ZC3H3: variants seen among roughly 807,000 people sequenced by gnomAD.
The protein encoded by ZC3H3 is zinc finger CCCH-type containing 3, also known as zinc finger CCCH domain-containing protein 3.
Under a neutral mutation model 77.3 loss-of-function variants are expected in ZC3H3, and 36 were observed. The observed-to-expected ratio is 0.47, with a 90% CI of 0.36 to 0.61. ZC3H3 has a LOEUF of 0.61. ZC3H3 is among the 20% of genes least tolerant of loss of function. The probability of loss-of-function intolerance (pLI) is 0.00; values close to 1 mark genes in which losing one functional copy is unlikely to be tolerated. For synonymous variants in ZC3H3, 626 were observed against 555.2 expected (o/e 1.13, Z -1.79); for missense variants, 1,331 against 1,312.2 (o/e 1.01, Z -0.22).
intron 4 of ZC3H3, among the ~76,000 whole-genome samples, chr8:143,479,408 G>T (rs1374024184): frequency 6.6e-6 from 1 of 152,196 alleles, no homozygotes; most frequent in Non-Finnish European, 1.5e-5. Context: ...CAAGGACCCG[G>T]AGCGCGCGTC....
intron 2 of ZC3H3, among the ~76,000 whole-genome samples, chr8:143,536,741 C>A (rs962190316): frequency 6.6e-6 from 1 of 152,180 alleles, no homozygotes; most frequent in South Asian, 2.1e-4. Flanking sequence ...CGTCCCCACC[C>A]GCATGTCCAC....
chr8:143,516,968 C>A (rs576479168), intron 3 of ZC3H3, among the ~76,000 whole-genome samples: 28 of 152,350 alleles, frequency 1.8e-4, no homozygotes, highest in African/African-American at 6.5e-4. Context: ...CCTGTCCCCC[C>A]CGTGTGGGAT....
At chr8:143,510,067 C>T (rs1465740118) in intron 3 of ZC3H3, among the ~76,000 whole-genome samples, 1 of 152,226 alleles carries the variant, frequency 6.6e-6, no homozygotes, top group Non-Finnish European at 1.5e-5. Flanking sequence ...ACCATGATCA[C>T]ACTCCTGCGC....
chr8:143,491,875 C>T (rs1236467185), intron 4 of ZC3H3, among the ~76,000 whole-genome samples: 1 of 152,168 alleles, frequency 6.6e-6, no homozygotes, highest in Non-Finnish European at 1.5e-5. Flanking sequence ...CTGGCTTGGA[C>T]CACTCACAGC....
chr8:143,518,245 G>C (rs1393798036), intron 3 of ZC3H3, among the ~76,000 whole-genome samples: 1 of 151,984 alleles, frequency 6.6e-6, no homozygotes, highest in African/African-American at 2.4e-5. Context: ...AACCCAGGGA[G>C]CCCGAGGCCC....
rs533199707 is a variant in ZC3H3 at position 143,458,766 on chromosome 8, G to C, written c.2307+6951C>G. Among the ~76,000 whole-genome samples, 7 of 63,132 alleles carry C rather than the reference G, an allele frequency of 1.1e-4. 1 individual carries two copies. The highest frequency in any genetic ancestry group is 4.1e-4 in the African/African-American group (6 of 14,500). The allele number at this position is 63,132 out of a possible 152,430, so 41.4% of individuals were successfully genotyped here. On this transcript the variant is annotated intron_variant, in intron 9 of 11. Coordinates refer to ENST00000262577, the MANE Select transcript of ZC3H3 (RefSeq NM_015117.3). ...TCACTTGAGCCCAGGACACAGCTGG[G>C]CGCAGCGGCTCACGCCTGTAACCCC...
intron 9 of ZC3H3, among the ~76,000 whole-genome samples, chr8:143,442,447 GC>G (rs1819771553): frequency 1.6e-5 from 2 of 124,918 alleles, no homozygotes; most frequent in African/African-American, 5.8e-5. Flanking sequence ...GGGGGGGGGG[GC>G]AGGGGCAGTG....
chr8:143,519,184 C>T (rs1372967604), intron 3 of ZC3H3, among the ~76,000 whole-genome samples: 1 of 152,214 alleles, frequency 6.6e-6, no homozygotes, highest in Non-Finnish European at 1.5e-5. Context: ...GGCACAGGGC[C>T]AGGCAGGCAG....
chr8:143,441,760 CT>C, intron 9 of ZC3H3, among the ~76,000 whole-genome samples: 1 of 152,308 alleles, frequency 6.6e-6, no homozygotes, highest in East Asian at 1.9e-4. Context: ...CCAGCCTGGC[CT>C]GTGGTGCAGG....
rs188344079 is a variant in ZC3H3 at position 143,447,913 on chromosome 8, G to A, written c.2308-6793C>T. Among the ~76,000 whole-genome samples the A allele has an allele frequency of 2.5e-3, 380 of 152,324 alleles. 1 individual carries two copies. The highest frequency in any genetic ancestry group is 8.3e-3 in the African/African-American group (345 of 41,576). On this transcript the variant is annotated intron_variant, in intron 9 of 11. Transcript: ENST00000262577. Reference sequence around the variant, plus strand: ...GGAGGCTGAGGCGGGTGGATTGCCTGAGGTCAGGAGTTCGAGACCAGTCTG... The same window carrying A: ...GGAGGCTGAGGCGGGTGGATTGCCTAAGGTCAGGAGTTCGAGACCAGTCTG...
chr8:143,437,948 T>G lies in ZC3H3; in HGVS notation c.*108A>C. ...GAGCAGTGTCCCTGTGGCCCCCAGG[T>G]GAGGCTTGGTGGCGGGCGGCCCTCC... On this transcript the variant is annotated 3_prime_UTR_variant, in exon 12 of 12. Coordinates refer to ENST00000262577, the MANE Select transcript of ZC3H3 (RefSeq NM_015117.3). 4 of 1,450,188 alleles carry G rather than the reference T, an allele frequency of 2.8e-6. No homozygotes were observed. Among genetic ancestry groups the G allele is most frequent in the South Asian group, 1.2e-5 (1 of 82,152 alleles). The allele number at this position is 1,450,188 out of a possible 1,614,324, so 89.8% of individuals were successfully genotyped here. A position where few individuals can be genotyped will look rare whatever the true frequency, so the allele number is the denominator to read the frequency against.
At chr8:143,515,278 C>T (rs1438019233) in intron 3 of ZC3H3, among the ~76,000 whole-genome samples, 4 of 152,248 alleles carry the variant, frequency 2.6e-5, no homozygotes, top group Admixed American at 6.5e-5. Flanking sequence ...GTGGCGCATA[C>T]GCACTCCCCC....
chr8:143,477,332 G>A (rs1820764299), intron 4 of ZC3H3, among the ~76,000 whole-genome samples: 1 of 152,116 alleles, frequency 6.6e-6, no homozygotes, highest in Admixed American at 6.5e-5. Flanking sequence ...CCCACCAAGG[G>A]GCCTGGCAGT....
chr8:143,531,175 G>A (rs912356367), intron 3 of ZC3H3, among the ~76,000 whole-genome samples: 3 of 152,092 alleles, frequency 2.0e-5, no homozygotes, highest in African/African-American at 7.2e-5. Flanking sequence ...GCCCAGGCTG[G>A]TCTTGACCTC....
chr8:143,438,420 T>C, intron 11 of ZC3H3, among the ~76,000 whole-genome samples: 1 of 152,124 alleles, frequency 6.6e-6, no homozygotes, highest in East Asian at 1.9e-4. Flanking sequence ...GTCTGCAGGG[T>C]GGGCCATCAG....
intron 4 of ZC3H3, among the ~76,000 whole-genome samples, chr8:143,478,372 C>T (rs1000131769): frequency 6.6e-6 from 1 of 152,206 alleles, no homozygotes; most frequent in African/African-American, 2.4e-5. Flanking sequence ...GCCCGTGGGG[C>T]AGAGGCATCA....
At chr8:143,531,638 T>C (rs1822611367) in intron 3 of ZC3H3, among the ~76,000 whole-genome samples, 1 of 152,238 alleles carries the variant, frequency 6.6e-6, no homozygotes, top group Non-Finnish European at 1.5e-5. Flanking sequence ...TCCCTAACTG[T>C]TTCCTCCTGT....
intron 4 of ZC3H3, among the ~76,000 whole-genome samples, chr8:143,491,222 G>A (rs1244085947): frequency 2.6e-5 from 4 of 152,034 alleles, no homozygotes; most frequent in Non-Finnish European, 4.4e-5. Context: ...AGGAACCCCC[G>A]GGGGGCCCTT....
At chr8:143,519,681 C>T (rs1292760631) in intron 3 of ZC3H3, among the ~76,000 whole-genome samples, 4 of 152,282 alleles carry the variant, frequency 2.6e-5, no homozygotes, top group South Asian at 2.1e-4. Context: ...CACAGCAGCA[C>T]GGGGCAAGCG....
Sources: gnomAD v4.1 joint callset for allele counts (sites outside exome capture counted in the v4.1 genomes callset) on GRCh38, gnomAD v4.1.1 for gene constraint, MANE v1.5 for transcripts, NCBI Gene and HGNC (gene_info 2026-07-23, HGNC 2026-07-21) for gene names.